Variants in OR1J2 observed in about 807,000 individuals in gnomAD.
OR1J2 encodes olfactory receptor family 1 subfamily J member 2.
For missense variants in OR1J2, 304 were observed against 246.1 expected, an observed-to-expected ratio of 1.24 and a Z score of -1.57; for synonymous variants, 142 against 99.7, an observed-to-expected ratio of 1.42 and a Z score of -2.52.
chr9:122,552,611 C>T, the OR1J2 span, among the ~76,000 whole-genome samples: 2 of 152,036 alleles, frequency 1.3e-5, no homozygotes, highest in Non-Finnish European at 2.9e-5. Flanking sequence ...CCTCAGCTCA[C>T]ATATCCTTTG....
the OR1J2 span, chr9:122,526,867 G>A: frequency 6.2e-7 from 1 of 1,614,172 alleles, no homozygotes; most frequent in African/African-American, 1.3e-5. Context: ...CACAATGCAA[G>A]CATTAGGGCA....
chr9:122,477,398 A>G, the OR1J2 span: 4 of 1,614,084 alleles, frequency 2.5e-6, no homozygotes, highest in Non-Finnish European at 3.4e-6. Context: ...TCACAGAAGT[A>G]GTGAGGGATG....
the OR1J2 span, among the ~76,000 whole-genome samples, chr9:122,545,562 A>T: frequency 6.6e-6 from 1 of 152,142 alleles, no homozygotes; most frequent in African/African-American, 2.4e-5. Flanking sequence ...TATTATTATG[A>T]AACATCTTCC....
the OR1J2 span, among the ~76,000 whole-genome samples, chr9:122,472,868 C>G: frequency 6.6e-6 from 1 of 152,174 alleles, no homozygotes; most frequent in Admixed American, 6.5e-5. Context: ...ATATATGTAT[C>G]TTATCTAAGG....
the OR1J2 span, among the ~76,000 whole-genome samples, chr9:122,488,865 T>TGTA: frequency 6.6e-6 from 1 of 151,592 alleles, no homozygotes; most frequent in East Asian, 1.9e-4. Context: ...TTTTTTAAAA[T>TGTA]TTATTATACT....
At chr9:122,508,385 C>T (rs1010624325), upstream of OR1J2, among the ~76,000 whole-genome samples, 7 of 152,056 alleles carry the variant, frequency 4.6e-5, no homozygotes, top group South Asian at 2.1e-4. Flanking sequence ...AACCTGCCAC[C>T]GACTTGTCTT....
chr9:122,524,518 AC>A, the OR1J2 span, among the ~76,000 whole-genome samples: 1 of 152,192 alleles, frequency 6.6e-6, no homozygotes, highest in Non-Finnish European at 1.5e-5. Flanking sequence ...CTGAGTGCTG[AC>A]CTAACTCCTA....
At chr9:122,553,493 C>G in the OR1J2 span, 1 of 1,613,926 alleles carries the variant, frequency 6.2e-7, no homozygotes, top group South Asian at 1.1e-5. Context: ...AGAGTCAGAT[C>G]ATCTCGTATT....
chr9:122,541,877 C>A, the OR1J2 span, among the ~76,000 whole-genome samples: 1 of 152,290 alleles, frequency 6.6e-6, no homozygotes, highest in Middle Eastern at 3.4e-3. Context: ...GTCCATGAAT[C>A]TGAAGAGCAC....
the OR1J2 span, among the ~76,000 whole-genome samples, chr9:122,544,083 C>T: frequency 6.6e-6 from 1 of 152,084 alleles, no homozygotes; most frequent in African/African-American, 2.4e-5. Flanking sequence ...AATCTTTCTA[C>T]AATGTATGCA....
the OR1J2 span, chr9:122,568,504 A>C: frequency 7.3e-7 from 1 of 1,369,824 alleles, no homozygotes; most frequent in Non-Finnish European, 1.0e-6. Context: ...ATAAACAAGA[A>C]GTTTTGTCAT....
Position 122,511,419 on chromosome 9 carries a change from CA to C in OR1J2, c.619del (p.Ile207LeufsTer20), listed in dbSNP as rs1037849067. 16 of 770,890 alleles carry C rather than the reference CA, an allele frequency of 2.1e-5. No individual in the cohort carries two copies. The highest frequency in any genetic ancestry group is 3.4e-5 in the Admixed American group (2 of 58,342). 47.8% of individuals were successfully genotyped at this position (770,890 alleles called of 1,614,324 possible). A position where few individuals can be genotyped will look rare whatever the true frequency, so the allele number is the denominator to read the frequency against. On this transcript the variant is annotated frameshift_variant, in exon 1 of 1. Coordinates refer to ENST00000335302, the MANE Select transcript of OR1J2 (RefSeq NM_054107.1). LOFTEE classifies it low-confidence loss of function (END_TRUNC). ...TCATGTTCACAGTAGGGGTGGTGGT[CA>C]TTACCCTGCCATTCATGTGTATCCT... ...LVMFTVGVVV[I>X]TLPFMCILVS...
chr9:122,505,682 A>G, the OR1J2 span, among the ~76,000 whole-genome samples: 1 of 152,136 alleles, frequency 6.6e-6, no homozygotes, highest in Non-Finnish European at 1.5e-5. Context: ...CTATATCCCT[A>G]TATATTTCAC....
At chr9:122,530,915 A>G in the OR1J2 span, among the ~76,000 whole-genome samples, 1 of 152,182 alleles carries the variant, frequency 6.6e-6, no homozygotes, top group African/African-American at 2.4e-5. Flanking sequence ...GTGGTGGAAT[A>G]TCATCAGTTA....
the OR1J2 span, among the ~76,000 whole-genome samples, chr9:122,531,121 G>C: frequency 6.6e-6 from 1 of 152,178 alleles, no homozygotes; most frequent in Non-Finnish European, 1.5e-5. Context: ...TCTCAGGTCT[G>C]CTTCAAGCCG....
chr9:122,574,887 G>C, the OR1J2 span, among the ~76,000 whole-genome samples: 1 of 152,030 alleles, frequency 6.6e-6, no homozygotes, highest in African/African-American at 2.4e-5. Context: ...CTAGTTTACT[G>C]AGAGTTTTTA....
chr9:122,500,749 T>G, the OR1J2 span, among the ~76,000 whole-genome samples: 1 of 152,174 alleles, frequency 6.6e-6, no homozygotes, highest in African/African-American at 2.4e-5. Context: ...GGTGCCACCA[T>G]CTGTAACAAA....
rs746189490 is a variant in OR1J2, at chr9:122,510,948, C to A, written c.147C>A (p.Ile49=). ...VLGNLLIMLL[I]QLDSHLHTPM... is the part of the protein sequence containing the mutation. ...GGAACCTGCTCATCATGCTGCTCAT[C>A]CAGCTGGACTCTCACCTTCACACCC... is the stretch of plus-strand genomic sequence containing the variant. The change falls in exon 1 of 1, where the codon ATC becomes ATA. Residue 49 remains isoleucine (I), a synonymous_variant. Transcript: ENST00000335302. 2 of 1,612,436 alleles carry A rather than the reference C, an allele frequency of 1.2e-6. No homozygotes were observed. Among genetic ancestry groups the A allele is most frequent in the African/African-American group, 1.3e-5 (1 of 74,864 alleles).
At chr9:122,460,181 G>GTATATA in the OR1J2 span, among the ~76,000 whole-genome samples, 4 of 34,564 alleles carry the variant, frequency 1.2e-4, no homozygotes, top group African/African-American at 8.1e-4. Context: ...GTGTGTGTGT[G>GTATATA]TATATATATA....
Sources: gnomAD v4.1 joint callset for allele counts (sites outside exome capture counted in the v4.1 genomes callset) on GRCh38, gnomAD v4.1.1 for gene constraint, MANE v1.5 for transcripts, NCBI Gene and HGNC (gene_info 2026-07-23, HGNC 2026-07-21) for gene names.